The following ARHGAP24 variants were observed in gnomAD, a reference collection of about 807,000 sequenced individuals.
ARHGAP24 encodes Rho GTPase activating protein 24.
ARHGAP24 carries 50 observed loss-of-function variants against 76.4 expected under a neutral mutation model. The observed-to-expected ratio is 0.65, with a 90% CI of 0.52 to 0.83. The LOEUF is 0.83. ARHGAP24 is among the 40% of genes least tolerant of loss of function. The probability of loss-of-function intolerance (pLI) is 0.00; values close to 1 mark genes in which losing one functional copy is unlikely to be tolerated. For synonymous variants in ARHGAP24, 345 were observed against 323.3 expected (o/e 1.07, Z -0.72); for missense variants, 930 against 914.2 (o/e 1.02, Z -0.22).
chr4:85,612,173 C>T (rs1362938300), intron 2 of ARHGAP24, among the ~76,000 whole-genome samples: 1 of 151,862 alleles, frequency 6.6e-6, no homozygotes, highest in East Asian at 1.9e-4. Flanking sequence ...AATCCCAGCA[C>T]TTTGGGAGGC....
chr4:85,877,319 C>G (rs1732991964), intron 3 of ARHGAP24, among the ~76,000 whole-genome samples: 1 of 151,890 alleles, frequency 6.6e-6, no homozygotes, highest in South Asian at 2.1e-4. Flanking sequence ...ATTGAAATAC[C>G]AGTTTAAGAA....
At chr4:85,772,450 C>T (rs1453399722) in intron 3 of ARHGAP24, among the ~76,000 whole-genome samples, 1 of 152,128 alleles carries the variant, frequency 6.6e-6, no homozygotes, top group African/African-American at 2.4e-5. Context: ...TGTATCTGCC[C>T]CTTTCTGTAT....
intron 3 of ARHGAP24, among the ~76,000 whole-genome samples, chr4:85,735,313 C>T (rs1725566522): frequency 6.6e-6 from 1 of 152,178 alleles, no homozygotes. Context: ...TCCAGCACCT[C>T]ACGTGTTTTG....
At chr4:85,827,622 G>A (rs991255243) in intron 3 of ARHGAP24, 2 of 215,670 alleles carry the variant, frequency 9.3e-6, no homozygotes, top group Admixed American at 1.0e-4. Context: ...TCTGATTTAC[G>A]GAGTTCAGAA....
intron 3 of ARHGAP24, among the ~76,000 whole-genome samples, chr4:85,909,546 G>T (rs1028374309): frequency 6.6e-6 from 1 of 152,092 alleles, no homozygotes; most frequent in Non-Finnish European, 1.5e-5. Context: ...ATTTAGGTTG[G>T]TAATTACATA....
At chr4:85,480,477 ACC>A (rs1334855354) in intron 1 of ARHGAP24, among the ~76,000 whole-genome samples, 1 of 152,120 alleles carries the variant, frequency 6.6e-6, no homozygotes, top group Non-Finnish European at 1.5e-5. Context: ...CACTTTTAAT[ACC>A]CTTATGATAC....
chr4:85,954,497 G>A (rs185968913), intron 5 of ARHGAP24, among the ~76,000 whole-genome samples: 14 of 152,290 alleles, frequency 9.2e-5, no homozygotes, highest in Non-Finnish European at 1.5e-4. Context: ...AACAGCTGGC[G>A]TATAGTATGC....
Position 85,994,912 on chromosome 4 carries a change from G to A in ARHGAP24, c.1258G>A (p.Val420Ile), listed in dbSNP as rs116743529. 16 of 1,614,024 alleles carry A rather than the reference G, an allele frequency of 9.9e-6. No individual in the cohort carries two copies. The African/African-American group carries it at 2.0e-4, about 20-fold the overall frequency. ...LDVSRSPPLM[V>I]KKNPAFNKGS... Reference sequence around the variant, plus strand: ...TGTGTCTAGAAGCCCCCCTCTCATGGTCAAAAAGAACCCAGCCTTTAATAA... The same window carrying A: ...TGTGTCTAGAAGCCCCCCTCTCATGATCAAAAAGAACCCAGCCTTTAATAA... The change falls in exon 9 of 10, where the codon GTC becomes ATC. Residue 420 changes from valine to isoleucine, a missense_variant. Transcript: ENST00000395184.
At chr4:85,740,697 G>A (rs535430307) in intron 3 of ARHGAP24, among the ~76,000 whole-genome samples, 6 of 152,048 alleles carry the variant, frequency 3.9e-5, no homozygotes, top group South Asian at 2.1e-4. Flanking sequence ...CTCTCTTCTC[G>A]TCCTTCTTTC....
intron 3 of ARHGAP24, among the ~76,000 whole-genome samples, chr4:85,911,223 T>G (rs1006988347): frequency 6.6e-6 from 1 of 152,052 alleles, no homozygotes; most frequent in African/African-American, 2.4e-5. Flanking sequence ...TCTGGGGAGC[T>G]CCCGCCCTAA....
intron 4 of ARHGAP24, among the ~76,000 whole-genome samples, chr4:85,924,013 T>G (rs868084093): frequency 1.5e-4 from 23 of 148,564 alleles, no homozygotes; most frequent in African/African-American, 4.6e-4. Flanking sequence ...ATGGGTGGGT[T>G]TTTTTTTTAG....
intron 2 of ARHGAP24, among the ~76,000 whole-genome samples, chr4:85,690,713 CTTT>C (rs76097587): frequency 1.5e-5 from 2 of 137,482 alleles, no homozygotes; most frequent in Non-Finnish European, 1.6e-5. Context: ...CCCACTCCCC[CTTT>C]TTTTTTTTTG....
At chr4:85,701,288 T>C (rs1326229206) in intron 2 of ARHGAP24, among the ~76,000 whole-genome samples, 1 of 152,176 alleles carries the variant, frequency 6.6e-6, no homozygotes. Flanking sequence ...TGTTTTAATC[T>C]TTTATTTCAA....
intron 2 of ARHGAP24, among the ~76,000 whole-genome samples, chr4:85,592,780 T>A (rs1164419560): frequency 1.3e-5 from 2 of 152,204 alleles, no homozygotes; most frequent in Non-Finnish European, 2.9e-5. Flanking sequence ...CTTAACATAA[T>A]GAACTCCAGT....
intron 2 of ARHGAP24, among the ~76,000 whole-genome samples, chr4:85,637,178 T>C (rs1347643115): frequency 1.3e-5 from 2 of 152,084 alleles, no homozygotes; most frequent in African/African-American, 2.4e-5. Context: ...TGATGCATAC[T>C]CATAAGGTGT....
chr4:85,956,589 C>G (rs1481559811), intron 5 of ARHGAP24, among the ~76,000 whole-genome samples: 1 of 151,696 alleles, frequency 6.6e-6, no homozygotes, highest in Non-Finnish European at 1.5e-5. Flanking sequence ...CTATTAGAAG[C>G]CGTGGGTCAT....
intron 3 of ARHGAP24, among the ~76,000 whole-genome samples, chr4:85,761,798 C>G (rs1486167811): frequency 6.6e-6 from 1 of 152,158 alleles, no homozygotes; most frequent in Non-Finnish European, 1.5e-5. Flanking sequence ...TGTCTTTTTA[C>G]CTCAGGTTAC....
intron 3 of ARHGAP24, among the ~76,000 whole-genome samples, chr4:85,772,906 G>C (rs777273885): frequency 6.7e-6 from 1 of 149,428 alleles, no homozygotes; most frequent in Non-Finnish European, 1.5e-5. Flanking sequence ...TGCCCTCAAA[G>C]AGACAGGCAG....
intron 2 of ARHGAP24, among the ~76,000 whole-genome samples, chr4:85,702,872 T>A (rs1724149213): frequency 6.6e-6 from 1 of 151,826 alleles, no homozygotes; most frequent in Non-Finnish European, 1.5e-5. Flanking sequence ...AAGTGACCCA[T>A]GAAGGGGTCT....
Sources: allele counts gnomAD v4.1 joint callset (sites outside exome capture counted in the v4.1 genomes callset), GRCh38; gene constraint gnomAD v4.1.1; transcripts MANE v1.5; gene names NCBI Gene and HGNC (gene_info 2026-07-23, HGNC 2026-07-21).